The following ANK1 variants were observed in gnomAD, a reference collection of about 807,000 sequenced individuals.
ANK1 encodes ankyrin-1.
Under a neutral mutation model 210.4 loss-of-function variants are expected in ANK1, and 51 were observed. The ratio of observed to expected loss-of-function variants is 0.24; its 90% confidence interval spans 0.19 to 0.31. The LOEUF is 0.31. Among genes scored for constraint, ANK1 ranks in the 10% least tolerant of loss-of-function variants. The probability of loss-of-function intolerance (pLI) is 1.00; values close to 1 mark genes in which losing one functional copy is unlikely to be tolerated. For synonymous variants in ANK1, 967 were observed against 1,025.9 expected, an observed-to-expected ratio of 0.94 and a Z score of 1.10; for missense variants, 2,051 against 2,504.4, an observed-to-expected ratio of 0.82 and a Z score of 3.86.
chr8:41,852,979 A>G (rs982643910), intron 1 of ANK1, among the ~76,000 whole-genome samples: 4 of 152,224 alleles, frequency 2.6e-5, no homozygotes, highest in Non-Finnish European at 5.9e-5. Flanking sequence ...TTCTTTGTCC[A>G]TATGTGGTGG....
At chr8:41,672,085 C>T (rs541778741) in intron 38 of ANK1, among the ~76,000 whole-genome samples, 1 of 152,304 alleles carries the variant, frequency 6.6e-6, no homozygotes, top group South Asian at 2.1e-4. Context: ...CCTCCCGGCG[C>T]CCATATGTCC....
At chr8:41,695,359 G>C (rs778587027) in intron 26 of ANK1, 28 bp from the exon 27 acceptor site, 2 of 1,613,464 alleles carry the variant, frequency 1.2e-6, no homozygotes, top group East Asian at 2.2e-5. Flanking sequence ...TGGTGGTGGG[G>C]AGGTGCTCAT....
chr8:41,799,442 G>A (rs1323321066), upstream of ANK1, among the ~76,000 whole-genome samples: 1 of 152,204 alleles, frequency 6.6e-6, no homozygotes, highest in Non-Finnish European at 1.5e-5. Flanking sequence ...ACCAGCAGGA[G>A]TGACGAAAGC....
intron 20 of ANK1, among the ~76,000 whole-genome samples, chr8:41,703,422 GTATATATATATATATA>G (rs57077078): frequency 3.7e-5 from 2 of 53,766 alleles, no homozygotes; most frequent in East Asian, 5.7e-4. Flanking sequence ...GTGTGTGTGT[GTATATATATATATATA>G]TATATATATA....
At chr8:41,730,968 C>A (rs1489822811) in intron 3 of ANK1, among the ~76,000 whole-genome samples, 1 of 152,246 alleles carries the variant, frequency 6.6e-6, no homozygotes, top group Non-Finnish European at 1.5e-5. Flanking sequence ...GCTTTCCTTA[C>A]CCCACGAGGA....
intron 3 of ANK1, among the ~76,000 whole-genome samples, chr8:41,728,783 T>G (rs1356141295): frequency 1.3e-5 from 2 of 152,218 alleles, no homozygotes; most frequent in Admixed American, 6.5e-5. Context: ...ACACACAACT[T>G]CTGAACATCT....
chr8:41,773,243 A>G (rs563628008), intron 1 of ANK1, among the ~76,000 whole-genome samples: 3 of 152,020 alleles, frequency 2.0e-5, no homozygotes, highest in Admixed American at 6.5e-5. Flanking sequence ...CTATTTAGGG[A>G]GGTGATCAGA....
At chr8:41,865,672 C>T (rs1814281813) in intron 1 of ANK1, among the ~76,000 whole-genome samples, 1 of 152,126 alleles carries the variant, frequency 6.6e-6, no homozygotes, top group African/African-American at 2.4e-5. Context: ...ACTCAGCCAG[C>T]CTCACCAGGA....
chr8:41,692,559 G>A, intron 31 of ANK1, 89 bp downstream of exon 31: 1 of 1,326,378 alleles, frequency 7.5e-7, no homozygotes, highest in Admixed American at 1.7e-5. Flanking sequence ...TACAGAGGGA[G>A]GACTGCCTGC....
At chr8:41,656,285 G>A (rs964738862) in intron 42 of ANK1, among the ~76,000 whole-genome samples, 8 of 152,364 alleles carry the variant, frequency 5.3e-5, no homozygotes, top group African/African-American at 1.7e-4. Flanking sequence ...CAGGGATGGA[G>A]CGGATGTGCT....
At chr8:41,803,814 C>T (rs1309065176) in intron 1 of ANK1, among the ~76,000 whole-genome samples, 3 of 151,942 alleles carry the variant, frequency 2.0e-5, no homozygotes, top group African/African-American at 4.8e-5. Flanking sequence ...GAAGGTGGTA[C>T]ATTGCATTAA....
intron 1 of ANK1, among the ~76,000 whole-genome samples, chr8:41,865,694 G>A (rs2150821522): frequency 6.6e-6 from 1 of 152,142 alleles, no homozygotes; most frequent in South Asian, 2.1e-4. Context: ...CTGGGAGTCA[G>A]CCTAGATTCT....
chr8:41,685,415 G>T (rs934886635), intron 36 of ANK1, among the ~76,000 whole-genome samples: 8 of 152,178 alleles, frequency 5.3e-5, no homozygotes, highest in African/African-American at 1.7e-4. Context: ...TTGAGTCTGG[G>T]AAACTGGTTG....
chr8:41,733,981 G>C lies in ANK1; in HGVS notation c.218C>G (p.Thr73Arg), dbSNP rs767168891. 1.2e-6 allele frequency: 2 copies of C among 1,614,146 alleles called. No individual in the cohort carries two copies. Among genetic ancestry groups the C allele is most frequent in the Non-Finnish European group, 8.5e-7 (1 of 1,179,968 alleles). ...ELLHKEIILE[T>R]TTKKGNTALH... The stretch of plus-strand genomic sequence containing the variant: ...CCCTGTGAGACATACCTTGGTTGTC[G>C]TTTCTAGAATGATTTCTTTGTGCAG... The change falls in exon 3 of 43, where the codon ACG (threonine) becomes AGG (arginine). Residue 73 changes from threonine (T) to arginine (R), a missense_variant. Physicochemically the swap from Thr to Arg is moderately conservative, Grantham distance 71 (BLOSUM62 -1). Transcript: ENST00000289734.
chr8:41,679,774 C>T (rs1815386950), intron 37 of ANK1, among the ~76,000 whole-genome samples: 3 of 151,496 alleles, frequency 2.0e-5, no homozygotes, highest in Admixed American at 1.3e-4. Context: ...CCGTGTTAGC[C>T]AGGATGGTCT....
intron 1 of ANK1, among the ~76,000 whole-genome samples, chr8:41,831,402 C>A (rs1197391679): frequency 6.6e-6 from 1 of 152,158 alleles, no homozygotes; most frequent in Admixed American, 6.5e-5. Context: ...AATCCCAGCA[C>A]TTTGGGAGGC....
At chr8:41,823,403 C>T (rs1804813553) in intron 1 of ANK1, among the ~76,000 whole-genome samples, 1 of 152,098 alleles carries the variant, frequency 6.6e-6, no homozygotes, top group Non-Finnish European at 1.5e-5. Flanking sequence ...ATTAGAGATA[C>T]TTTTCAATGT....
chr8:41,785,861 C>T (rs1846249513), intron 1 of ANK1, among the ~76,000 whole-genome samples: 1 of 152,200 alleles, frequency 6.6e-6, no homozygotes, highest in African/African-American at 2.4e-5. Context: ...CTTGCTCGGC[C>T]CTTCTGGGTC....
In ANK1 at chr8:41,703,896, G is replaced by C. The variant is rs904001284; in HGVS notation, c.2295+145C>G. ...CTGATCACAGCACCCCATCCCCAGGGTACCCAAGGTAGCTGTGGCTTTAGG... is the reference window on the plus strand; with the variant it reads ...CTGATCACAGCACCCCATCCCCAGGCTACCCAAGGTAGCTGTGGCTTTAGG... On this transcript the variant is annotated intron_variant, in intron 20 of 42. Transcript: ENST00000289734. 9 of 732,620 alleles carry C rather than the reference G, an allele frequency of 1.2e-5. No homozygotes were observed. In the Admixed American group the frequency reaches 1.8e-4, roughly 15 times the overall value. The allele number at this position is 732,620 out of a possible 1,614,324, so 45.4% of individuals were successfully genotyped here. A position where few individuals can be genotyped will look rare whatever the true frequency, so the allele number is the denominator to read the frequency against.
Sources: allele counts gnomAD v4.1 joint callset (sites outside exome capture counted in the v4.1 genomes callset), GRCh38; gene constraint gnomAD v4.1.1; transcripts MANE v1.5; gene names NCBI Gene and HGNC (gene_info 2026-07-23, HGNC 2026-07-21).